EPHB1: variants seen among roughly 807,000 people sequenced by gnomAD.
EPHB1 encodes the protein ephrin type-B receptor 1.
In EPHB1, 30 loss-of-function variants were observed where a neutral mutation model predicts 94.4. That is an observed-to-expected ratio of 0.32 (90% CI 0.24 to 0.43). EPHB1 has a LOEUF of 0.43. Among genes scored for constraint, EPHB1 ranks in the 20% least tolerant of loss-of-function variants. EPHB1 has a pLI of 1.00. For synonymous variants in EPHB1, 522 were observed against 489.1 expected (o/e 1.07, Z -0.89); for missense variants, 1,055 against 1,308.3 (o/e 0.81, Z 2.99).
chr3:135,110,724 T>C (rs544654522), intron 4 of EPHB1, among the ~76,000 whole-genome samples: 1 of 152,358 alleles, frequency 6.6e-6, no homozygotes, highest in East Asian at 1.9e-4. Context: ...CTCATGAATC[T>C]ACCTTGCTTA....
At chr3:135,131,716 C>G (rs1002203071) in intron 4 of EPHB1, among the ~76,000 whole-genome samples, 10 of 152,196 alleles carry the variant, frequency 6.6e-5, no homozygotes, top group Admixed American at 3.3e-4. Context: ...AGTTTTGCAA[C>G]AAGGCATTTC....
chr3:135,080,626 C>T (rs1222345945), intron 3 of EPHB1, among the ~76,000 whole-genome samples: 1 of 151,958 alleles, frequency 6.6e-6, no homozygotes, highest in African/African-American at 2.4e-5. Flanking sequence ...GGCAGTGGGA[C>T]AATTTGACAT....
At chr3:134,973,476 G>A (rs1379083820) in intron 3 of EPHB1, among the ~76,000 whole-genome samples, 1 of 129,276 alleles carries the variant, frequency 7.7e-6, no homozygotes, top group Non-Finnish European at 1.5e-5. Context: ...CCGTTGCTCA[G>A]GCTGGAGTGC....
chr3:134,944,724 G>A (rs2039183331), intron 2 of EPHB1, among the ~76,000 whole-genome samples: 1 of 152,126 alleles, frequency 6.6e-6, no homozygotes, highest in Admixed American at 6.5e-5. Flanking sequence ...AGGTGGTGGT[G>A]GCTGCAGTTG....
At chr3:135,174,326 C>T in intron 9 of EPHB1, among the ~76,000 whole-genome samples, 1 of 152,174 alleles carries the variant, frequency 6.6e-6, no homozygotes, top group East Asian at 1.9e-4. Flanking sequence ...TCACTCTCCC[C>T]ACTCATGCAC....
At chr3:134,834,108 ACTAT>A (rs555693294) in intron 1 of EPHB1, among the ~76,000 whole-genome samples, 1 of 152,168 alleles carries the variant, frequency 6.6e-6, no homozygotes, top group Non-Finnish European at 1.5e-5. Context: ...AGGGAGGAAG[ACTAT>A]CTAGGCAGGA....
chr3:134,843,140 T>C (rs952464204), intron 1 of EPHB1, among the ~76,000 whole-genome samples: 1 of 152,226 alleles, frequency 6.6e-6, no homozygotes, highest in African/African-American at 2.4e-5. Context: ...TTTTCTTCAT[T>C]TTTATAGGAT....
chr3:134,858,849 G>A (rs7646231), intron 1 of EPHB1, among the ~76,000 whole-genome samples: 83,270 of 152,094 alleles, frequency 0.55, 25,621 homozygotes, highest in East Asian at 0.8. Flanking sequence ...AGCCCAGCCT[G>A]CCTCAGTAGA....
intron 3 of EPHB1, among the ~76,000 whole-genome samples, chr3:135,103,354 C>T (rs1939098866): frequency 2.0e-5 from 3 of 152,108 alleles, no homozygotes; most frequent in Admixed American, 2.0e-4. Flanking sequence ...TGTAGAAACA[C>T]ATTCTTCCAT....
intron 3 of EPHB1, among the ~76,000 whole-genome samples, chr3:135,001,917 A>C (rs577683500): frequency 6.6e-6 from 1 of 152,360 alleles, no homozygotes; most frequent in East Asian, 1.9e-4. Flanking sequence ...TGTCATCAAA[A>C]AGAATGCTGT....
intron 12 of EPHB1, among the ~76,000 whole-genome samples, chr3:135,214,062 A>AC (rs1390516907): frequency 1.3e-5 from 2 of 151,886 alleles, no homozygotes; most frequent in Non-Finnish European, 2.9e-5. Flanking sequence ...TGTTTCTGCC[A>AC]CTTCTGAGAC....
chr3:135,056,909 C>T (rs73864240), intron 3 of EPHB1, among the ~76,000 whole-genome samples: 2,265 of 152,170 alleles, frequency 0.015, 69 homozygotes, highest in African/African-American at 0.052. Flanking sequence ...TACCCAAGTG[C>T]GTGTTATTCA....
intron 3 of EPHB1, among the ~76,000 whole-genome samples, chr3:135,052,646 G>A (rs1462315558): frequency 2.0e-5 from 3 of 151,068 alleles, no homozygotes; most frequent in Middle Eastern, 3.2e-3. Context: ...CGGATCACGA[G>A]GTCAGGAGCT....
intron 9 of EPHB1, among the ~76,000 whole-genome samples, chr3:135,168,714 A>G (rs1460740822): frequency 6.6e-6 from 1 of 152,128 alleles, no homozygotes; most frequent in Admixed American, 6.5e-5. Context: ...ACTCTTGCTC[A>G]GGGCTGGCTC....
At chr3:135,010,797 C>T (rs1377787537) in intron 3 of EPHB1, among the ~76,000 whole-genome samples, 4 of 151,918 alleles carry the variant, frequency 2.6e-5, no homozygotes, top group Non-Finnish European at 5.9e-5. Flanking sequence ...CTCCGGACCT[C>T]GTGATCCACC....
At chr3:135,160,924 C>T (rs1332644044) in intron 6 of EPHB1, among the ~76,000 whole-genome samples, 1 of 151,940 alleles carries the variant, frequency 6.6e-6, no homozygotes, top group East Asian at 1.9e-4. Context: ...AGATGTGGTC[C>T]CCGGATTTAG....
intron 10 of EPHB1, among the ~76,000 whole-genome samples, chr3:135,184,824 C>T (rs1501208): frequency 0.049 from 7,412 of 152,268 alleles, 216 homozygotes; most frequent in Middle Eastern, 0.12. Context: ...TCAGAGAGTA[C>T]CAGTTTATTG....
intron 12 of EPHB1, among the ~76,000 whole-genome samples, chr3:135,202,485 C>G (rs1175524875): frequency 6.6e-6 from 1 of 152,160 alleles, no homozygotes; most frequent in Non-Finnish European, 1.5e-5. Context: ...TCCAAAGCAC[C>G]ATTCCCTTTC....
chr3:135,162,759 T>C (rs571495587), intron 7 of EPHB1, among the ~76,000 whole-genome samples: 3 of 152,300 alleles, frequency 2.0e-5, no homozygotes, highest in African/African-American at 7.2e-5. Flanking sequence ...ACTTCTACCT[T>C]TGGGTTTTAT....
Sources: allele counts gnomAD v4.1 joint callset (sites outside exome capture counted in the v4.1 genomes callset), GRCh38; gene constraint gnomAD v4.1.1; transcripts MANE v1.5; gene names NCBI Gene and HGNC (gene_info 2026-07-23, HGNC 2026-07-21).